The following CPT1A variants were observed in gnomAD, a reference collection of about 807,000 sequenced individuals.
CPT1A encodes carnitine palmitoyltransferase 1A, also known as carnitine O-palmitoyltransferase 1, liver isoform.
A neutral mutation model predicts 100.8 loss-of-function variants in CPT1A; 64 were observed. The observed-to-expected ratio is 0.63, with a 90% CI of 0.52 to 0.78. The LOEUF is 0.78. CPT1A is among the 30% of genes least tolerant of loss of function. The pLI is 0.00. For missense variants in CPT1A, 802 were observed against 1,034.1 expected (o/e 0.78, Z 3.08); for synonymous variants, 363 against 396.0 (o/e 0.92, Z 0.99).
chr11:68,757,745 CA>C lies in CPT1A; in HGVS notation c.2236-16del. The C allele has an allele frequency of 6.2e-7, 1 of 1,609,892 alleles. No homozygotes were observed. The highest frequency in any genetic ancestry group is 8.5e-7 in the Non-Finnish European group (1 of 1,176,808). ...CGATGAGAATCCTTTCATGTAAAAACAAAAACCAAAAACCTATTAAAACGTG... is the reference window on the plus strand; with the variant it reads ...CGATGAGAATCCTTTCATGTAAAAACAAAACCAAAAACCTATTAAAACGTG... On this transcript the variant is annotated splice_polypyrimidine_tract_variant and intron_variant, in intron 18 of 18. Transcript: ENST00000265641.
In CPT1A at chr11:68,793,297, T is replaced by G. The variant is rs1855667060; in HGVS notation, c.967+18A>C. The G allele has an allele frequency of 6.3e-7, 1 of 1,593,616 alleles. No homozygotes were observed. The highest frequency in any genetic ancestry group is 1.3e-5 in the African/African-American group (1 of 74,592). On this transcript the variant is annotated intron_variant, in intron 9 of 18. Coordinates refer to ENST00000265641, the MANE Select transcript of CPT1A (RefSeq NM_001876.4). ...AAAGTGCCGATTCTCCAGGGGGCCC[T>G]GAAGAAGCTTGACTCACCTGTCTCC... is the stretch of plus-strand genomic sequence containing the variant.
chr11:68,796,977 G>T lies in CPT1A; in HGVS notation c.694-44C>A, dbSNP rs375805086. ...AGACAAACCCGCAGGCTCAGCAGGG[G>T]CCAGGCAGGCTCCCTGGCAGCAGCC... is the stretch of plus-strand genomic sequence containing the variant. On this transcript the variant is annotated intron_variant, in intron 6 of 18. Transcript: ENST00000265641. The T allele has an allele frequency of 4.6e-5, 74 of 1,596,496 alleles. No individual in the cohort carries two copies. The African/African-American group carries it at 9.5e-4, about 21-fold the overall frequency.
At chr11:68,775,553 A>C in intron 12 of CPT1A, 121 bp from the exon 13 acceptor site, 2 of 770,722 alleles carry the variant, frequency 2.6e-6, no homozygotes, top group Non-Finnish European at 2.3e-6. Flanking sequence ...ACAGCTGTTA[A>C]GGCTTCCAGT....
intron 15 of CPT1A, 116 bp from the exon 16 acceptor site, chr11:68,761,803 G>C (rs986593414): frequency 1.6e-6 from 2 of 1,214,260 alleles, no homozygotes; most frequent in Non-Finnish European, 2.4e-6. Flanking sequence ...TAGAGACGGG[G>C]TTTCAACATG....
At chr11:68,834,732 C>A (rs1856966769) in intron 1 of CPT1A, among the ~76,000 whole-genome samples, 1 of 152,096 alleles carries the variant, frequency 6.6e-6, no homozygotes. Context: ...CAGAGCGAGA[C>A]CCTGTCTTAC....
chr11:68,813,021 C>T (rs778135034), intron 2 of CPT1A, among the ~76,000 whole-genome samples: 6 of 151,510 alleles, frequency 4.0e-5, no homozygotes, highest in Non-Finnish European at 7.4e-5. Context: ...GGAGACCTCA[C>T]CCCATGTCGA....
chr11:68,770,897 G>A (rs1020501558), intron 14 of CPT1A, among the ~76,000 whole-genome samples: 4 of 152,192 alleles, frequency 2.6e-5, no homozygotes, highest in Non-Finnish European at 4.4e-5. Context: ...GCCTGCTTCC[G>A]ATCTCAGTCC....
In CPT1A at chr11:68,799,308, C is replaced by A. The variant is rs2228504; in HGVS notation, c.603G>T (p.Arg201=). The A allele has an allele frequency of 1.5e-5, 25 of 1,613,858 alleles. No homozygotes were observed. The African/African-American group carries it at 3.2e-4, about 21-fold the overall frequency. Residue 201 remains arginine, a synonymous_variant, in exon 6 of 19, where the codon CGG becomes CGT. Transcript: ENST00000265641. ...RPLMKEEDFK[R]MTALAQDFAV... is the part of the protein sequence containing the mutation. ...CAAAATCTTGAGCAAGTGCTGTCAT[C>A]CGTTTGAAGTCTTCTTCCTTCATAA... is the stretch of plus-strand genomic sequence containing the variant.
At position 68,794,805 on chromosome 11, in the gene CPT1A, G is replaced by C; in HGVS notation, c.878C>G (p.Pro293Arg). The C allele has an allele frequency of 6.2e-7, 1 of 1,612,882 alleles. No homozygotes were observed. The highest frequency in any genetic ancestry group is 2.2e-5 in the East Asian group (1 of 44,874). Residue 293 changes from proline (P) to arginine (R), a missense_variant and splice_region_variant, in exon 8 of 19, where the codon CCA (proline) becomes CGA (arginine). Coordinates refer to ENST00000265641, the MANE Select transcript of CPT1A (RefSeq NM_001876.4). ...TTTTAAAGCAATTTGTTTGCCTACT[G>C]GTTTGATTTCCTCCCGGTCCAGTTT... ...RRKLDREEIK[P>R]IRLLGSTIPL...
downstream of CPT1A, chr11:68,754,663 C>T: frequency 1.5e-6 from 1 of 654,070 alleles, no homozygotes; most frequent in South Asian, 1.8e-5. Flanking sequence ...GTGTCAGGCA[C>T]TGTTCTCAGC....
intron 18 of CPT1A, 29 bp from the exon 19 acceptor site, chr11:68,757,759 C>G: frequency 6.2e-7 from 1 of 1,600,784 alleles, no homozygotes; most frequent in Non-Finnish European, 8.6e-7. Context: ...AACCAAAAAC[C>G]TATTAAAACG....
chr11:68,754,961 C>A lies in CPT1A; in HGVS notation c.*2683G>T, dbSNP rs1946664385. On this transcript the variant is annotated 3_prime_UTR_variant, in exon 19 of 19. Coordinates refer to ENST00000265641, the MANE Select transcript of CPT1A (RefSeq NM_001876.4). ...ATTTCTAAGATTTACATCCAAAGAG[C>A]ATACTGTATTTACATGCACCGGTCA... 1 of 717,706 alleles carries A rather than the reference C, an allele frequency of 1.4e-6. No homozygotes were observed. The highest frequency in any genetic ancestry group is 2.6e-4 in the Middle Eastern group (1 of 3,816). 44.5% of individuals were successfully genotyped at this position (717,706 alleles called of 1,614,324 possible).
chr11:68,757,258 CT>C lies in CPT1A; in HGVS notation c.*385del. On this transcript the variant is annotated 3_prime_UTR_variant, in exon 19 of 19. Transcript: ENST00000265641. Reference sequence around the variant, plus strand: ...AAAAGTTTACCCTGCTTGGATGATGCTAAATGCCCTTAAGCACTAGGCCTTC... The same window carrying C: ...AAAAGTTTACCCTGCTTGGATGATGCAAATGCCCTTAAGCACTAGGCCTTC... 1 of 1,078,628 alleles carries C rather than the reference CT, an allele frequency of 9.3e-7. No individual in the cohort carries two copies. The highest frequency in any genetic ancestry group is 1.1e-6 in the Non-Finnish European group (1 of 879,112). 66.8% of individuals were successfully genotyped at this position (1,078,628 alleles called of 1,614,324 possible).
In CPT1A at chr11:68,837,339, C is replaced by A. The variant is rs148465212; in HGVS notation, c.-14+4436G>T. Among the ~76,000 whole-genome samples the A allele has an allele frequency of 5.9e-5, 9 of 152,292 alleles. No homozygotes were observed. The East Asian group carries it at 1.7e-3, about 29-fold the overall frequency. On this transcript the variant is annotated intron_variant, in intron 1 of 18. Coordinates refer to ENST00000265641, the MANE Select transcript of CPT1A (RefSeq NM_001876.4). ...CTGGGATTACAGGCGTGAGCCACTG[C>A]GCTTAGCTGACAGTTTCTCCAGGGC...
At chr11:68,817,189 T>C (rs1041444617) in intron 1 of CPT1A, among the ~76,000 whole-genome samples, 1 of 151,372 alleles carries the variant, frequency 6.6e-6, no homozygotes, top group African/African-American at 2.4e-5. Flanking sequence ...TGTGGGTGTG[T>C]GTGCGTGTTC....
intron 1 of CPT1A, among the ~76,000 whole-genome samples, chr11:68,840,719 A>G (rs1857137510): frequency 6.6e-6 from 1 of 152,222 alleles, no homozygotes; most frequent in African/African-American, 2.4e-5. Context: ...GCGGATTTAC[A>G]TTATAAAGAC....
chr11:68,806,187 C>T (rs1856041125), intron 4 of CPT1A, among the ~76,000 whole-genome samples: 1 of 151,982 alleles, frequency 6.6e-6, no homozygotes, highest in African/African-American at 2.4e-5. Context: ...GGCTAATTTG[C>T]CTGGCTAATT....
intron 1 of CPT1A, among the ~76,000 whole-genome samples, chr11:68,833,879 A>T (rs901436797): frequency 3.9e-5 from 6 of 152,014 alleles, no homozygotes; most frequent in Non-Finnish European, 8.8e-5. Flanking sequence ...TTTTTATAAG[A>T]CAGGGTCTTG....
In CPT1A at chr11:68,755,050, ACAGATAATACTCTTAT is replaced by A. The variant is rs1946665450; in HGVS notation, c.*2578_*2593del. Reference sequence around the variant, plus strand: ...CAATGGTTTGTTCCAATTAAATTAAACAGATAATACTCTTATCACCCCCCTTGGACATGTACAATAA... The same window carrying A: ...CAATGGTTTGTTCCAATTAAATTAAACACCCCCCTTGGACATGTACAATAA... On this transcript the variant is annotated 3_prime_UTR_variant, in exon 19 of 19. Coordinates refer to ENST00000265641, the MANE Select transcript of CPT1A (RefSeq NM_001876.4). The A allele has an allele frequency of 1.7e-6, 1 of 578,540 alleles. No homozygotes were observed. Among genetic ancestry groups the A allele is most frequent in the East Asian group, 2.8e-5 (1 of 35,592 alleles). The allele number at this position is 578,540 out of a possible 1,614,324, so 35.8% of individuals were successfully genotyped here.
Sources: gnomAD v4.1 joint callset for allele counts (sites outside exome capture counted in the v4.1 genomes callset) on GRCh38, gnomAD v4.1.1 for gene constraint, MANE v1.5 for transcripts, NCBI Gene and HGNC (gene_info 2026-07-23, HGNC 2026-07-21) for gene names.